ARHGEF26: variants seen among roughly 807,000 people sequenced by gnomAD.
ARHGEF26 encodes the protein Rho guanine nucleotide exchange factor (GEF) 26.
ARHGEF26 carries 59 observed loss-of-function variants against 89.4 expected under a neutral mutation model. The ratio of observed to expected loss-of-function variants is 0.66; its 90% confidence interval spans 0.54 to 0.82. ARHGEF26 has a LOEUF of 0.82. Among genes scored for constraint, ARHGEF26 ranks in the 40% least tolerant of loss-of-function variants. The pLI is 0.00. For missense variants in ARHGEF26, 1,234 were observed against 1,085.6 expected (o/e 1.14, Z -1.92); for synonymous variants, 500 against 428.4 (o/e 1.17, Z -2.06).
intron 4 of ARHGEF26, 46 bp from the exon 5 acceptor site, chr3:154,149,343 T>C: frequency 6.6e-7 from 1 of 1,525,398 alleles, no homozygotes; most frequent in South Asian, 1.2e-5. Flanking sequence ...TTGAAACTTT[T>C]AAAGTATTAA....
chr3:154,122,523 C>T lies in ARHGEF26; in HGVS notation c.531C>T (p.Gly177=), dbSNP rs753407568. The change falls in exon 2 of 15, where the codon GGC becomes GGT. Residue 177 remains glycine (G), a synonymous_variant. Coordinates refer to ENST00000465093, the MANE Select transcript of ARHGEF26 (RefSeq NM_015595.4). ...ASPVPSPTAN[G]LAANNDSPGS... is the part of the protein sequence containing the mutation. ...CGGTGCCTTCGCCCACTGCAAATGG[C>T]CTTGCCGCTAATAACGACTCTCCTG... 3 of 1,613,474 alleles carry T rather than the reference C, an allele frequency of 1.9e-6. No individual in the cohort carries two copies. Among genetic ancestry groups the T allele is most frequent in the Admixed American group, 1.7e-5 (1 of 60,024 alleles).
rs759384729 is a variant in ARHGEF26, at chr3:154,240,599, A to T, written c.2300+20A>T. 3.6e-5 allele frequency: 57 copies of T among 1,577,456 alleles called. No homozygotes were observed. The African/African-American group carries it at 7.0e-4, about 19-fold the overall frequency. ...GACGCAGTAAGTATATGTGGGGAAAAGATTGGAATAGCTGATAGTATCTCC... is the reference window on the plus strand; with the variant it reads ...GACGCAGTAAGTATATGTGGGGAAATGATTGGAATAGCTGATAGTATCTCC... On this transcript the variant is annotated intron_variant, in intron 12 of 14. Coordinates refer to ENST00000465093, the MANE Select transcript of ARHGEF26 (RefSeq NM_015595.4).
intron 6 of ARHGEF26, among the ~76,000 whole-genome samples, chr3:154,173,969 T>C (rs865985538): frequency 5.3e-5 from 8 of 152,236 alleles, no homozygotes; most frequent in African/African-American, 1.7e-4. Context: ...ATGATAATAG[T>C]ATCTATGACC....
At chr3:154,183,487 C>T (rs905221900) in intron 6 of ARHGEF26, among the ~76,000 whole-genome samples, 4 of 152,156 alleles carry the variant, frequency 2.6e-5, no homozygotes, top group Non-Finnish European at 4.4e-5. Context: ...TCCAGGGAAC[C>T]AGAATACTTT....
chr3:154,122,397 G>T lies in ARHGEF26; in HGVS notation c.405G>T (p.Leu135Phe), dbSNP rs774709835. 1.2e-4 allele frequency: 192 copies of T among 1,609,850 alleles called. No individual in the cohort carries two copies. Among genetic ancestry groups the T allele is most frequent in the Non-Finnish European group, 1.6e-4 (186 of 1,178,658 alleles). The change falls in exon 2 of 15, where the codon TTG (leucine) becomes TTT (phenylalanine). Residue 135 changes from leucine (L) to phenylalanine (F), a missense_variant. Physicochemically the swap from Leu to Phe is conservative, Grantham distance 22. Transcript: ENST00000465093. Reference protein sequence around the residue: ...PKSPANGAVTLPAPPPPPVLR... With the variant: ...PKSPANGAVTFPAPPPPPVLR... The stretch of plus-strand genomic sequence containing the variant: ...CCCCAGCAAATGGCGCGGTGACCTT[G>T]CCTGCGCCGCCGCCGCCGCCGGTTC...
intron 9 of ARHGEF26, among the ~76,000 whole-genome samples, chr3:154,213,561 T>A (rs777374103): frequency 6.6e-6 from 1 of 152,186 alleles, no homozygotes; most frequent in Non-Finnish European, 1.5e-5. Context: ...CAGCTTTTGC[T>A]GATGGGCTCA....
chr3:154,121,859 G>A, intron 1 of ARHGEF26, 83 bp from the exon 2 acceptor site: 3 of 1,262,016 alleles, frequency 2.4e-6, no homozygotes, highest in Middle Eastern at 2.9e-4. Flanking sequence ...GCAGCAGGGG[G>A]ACCGCCGGTC....
At chr3:154,209,754 G>C (rs1380101474) in intron 9 of ARHGEF26, among the ~76,000 whole-genome samples, 1 of 152,166 alleles carries the variant, frequency 6.6e-6, no homozygotes, top group Non-Finnish European at 1.5e-5. Flanking sequence ...CCACTCCCTG[G>C]CTACTGCCTG....
In ARHGEF26 at chr3:154,189,334, A is replaced by ATT. The variant is rs35633646; in HGVS notation, c.1640+1517_1640+1518dup. 6.3e-3 allele frequency among the ~76,000 whole-genome samples: 710 copies of ATT among 112,240 alleles called. 23 individuals carry two copies. Among genetic ancestry groups the ATT allele is most frequent in the Middle Eastern group, 0.011 (2 of 178 alleles). The allele number at this position is 112,240 out of a possible 152,430, so 73.6% of individuals were successfully genotyped here. On this transcript the variant is annotated intron_variant, in intron 7 of 14. Coordinates refer to ENST00000465093, the MANE Select transcript of ARHGEF26 (RefSeq NM_015595.4). ...CAGGGGATTTGTTGCAGTTGATGTG[A>ATT]TTTTTTTTTTTTTTTTTTTTTGAGA...
chr3:154,241,609 G>GT (rs760360981), intron 12 of ARHGEF26, among the ~76,000 whole-genome samples: 3 of 152,212 alleles, frequency 2.0e-5, no homozygotes, highest in Non-Finnish European at 4.4e-5. Flanking sequence ...CTTAACAGGC[G>GT]TAAGGACCAT....
chr3:154,253,275 A>G (rs1445613112), intron 13 of ARHGEF26, 92 bp downstream of exon 13: 7 of 1,432,348 alleles, frequency 4.9e-6, no homozygotes, highest in African/African-American at 1.4e-5. Context: ...TATTGCCACA[A>G]TACTTGCCTA....
At chr3:154,157,179 C>T (rs1408785772) in intron 6 of ARHGEF26, among the ~76,000 whole-genome samples, 3 of 152,090 alleles carry the variant, frequency 2.0e-5, no homozygotes, top group Non-Finnish European at 4.4e-5. Context: ...AAACATTTCT[C>T]ATTTCAGTTA....
intron 9 of ARHGEF26, among the ~76,000 whole-genome samples, chr3:154,199,181 C>G (rs1438940767): frequency 6.6e-6 from 1 of 151,152 alleles, no homozygotes; most frequent in East Asian, 1.9e-4. Context: ...TTTTTTATAC[C>G]CATTAACCAT....
At chr3:154,124,102 A>C (rs756359535) in intron 2 of ARHGEF26, among the ~76,000 whole-genome samples, 2 of 152,368 alleles carry the variant, frequency 1.3e-5, no homozygotes, top group African/African-American at 4.8e-5. Flanking sequence ...GCAAAGTTCA[A>C]TTTAACAGTG....
At chr3:154,249,511 C>T (rs1019279097) in intron 12 of ARHGEF26, among the ~76,000 whole-genome samples, 3 of 152,210 alleles carry the variant, frequency 2.0e-5, no homozygotes, top group Non-Finnish European at 4.4e-5. Flanking sequence ...ATTTAGTCGT[C>T]TTTCTCTACG....
At chr3:154,223,166 C>T (rs80196014) in intron 10 of ARHGEF26, among the ~76,000 whole-genome samples, 1,636 of 152,250 alleles carry the variant, frequency 0.011, 23 homozygotes, top group African/African-American at 0.037. Flanking sequence ...AGGAGACATA[C>T]ATTCAGTGTG....
At chr3:154,251,743 A>C (rs1191552485) in intron 12 of ARHGEF26, among the ~76,000 whole-genome samples, 1 of 152,226 alleles carries the variant, frequency 6.6e-6, no homozygotes, top group Non-Finnish European at 1.5e-5. Context: ...AAAAGCATAC[A>C]TACTAAAGGA....
intron 12 of ARHGEF26, among the ~76,000 whole-genome samples, chr3:154,245,182 C>T (rs1211431364): frequency 6.6e-6 from 1 of 152,050 alleles, no homozygotes; most frequent in Non-Finnish European, 1.5e-5. Flanking sequence ...TGCTTATCAC[C>T]ATGCTTGGCT....
In ARHGEF26 at chr3:154,255,781, A is replaced by G; in HGVS notation, c.*308A>G. 2 of 1,144,108 alleles carry G rather than the reference A, an allele frequency of 1.7e-6. No individual in the cohort carries two copies. Among genetic ancestry groups the G allele is most frequent in the Non-Finnish European group, 2.1e-6 (2 of 932,234 alleles). The allele number at this position is 1,144,108 out of a possible 1,614,324, so 70.9% of individuals were successfully genotyped here. ...CTAGTTTCACCATGTTCTGGCAATA[A>G]AAAACACATATTATATCCTGGTTTT... On this transcript the variant is annotated 3_prime_UTR_variant, in exon 15 of 15. Transcript: ENST00000465093.
Sources: allele counts gnomAD v4.1 joint callset (sites outside exome capture counted in the v4.1 genomes callset), GRCh38; gene constraint gnomAD v4.1.1; transcripts MANE v1.5; gene names NCBI Gene and HGNC (gene_info 2026-07-23, HGNC 2026-07-21).